Variants in TXNDC8 observed in about 807,000 individuals in gnomAD.
TXNDC8 encodes thioredoxin domain-containing protein 8.
A neutral mutation model predicts 12.9 loss-of-function variants in TXNDC8; 15 were observed. That is an observed-to-expected ratio of 1.16 (90% confidence interval 0.78 to 1.79). The LOEUF (loss-of-function observed/expected upper bound fraction) is 1.79, where lower values mean the gene tolerates loss of function less well. Ranked by LOEUF, TXNDC8 falls within the 40% of genes most tolerant of loss-of-function variation. The probability of loss-of-function intolerance (pLI) is 0.00; values close to 1 mark genes in which losing one functional copy is unlikely to be tolerated. For synonymous variants in TXNDC8, 40 were observed against 35.4 expected (o/e 1.13, Z -0.46); for missense variants, 128 against 113.2 (o/e 1.13, Z -0.59).
chr9:110,322,468 T>A, intron 3 of TXNDC8: 1 of 985,396 alleles, frequency 1.0e-6, no homozygotes, highest in Non-Finnish European at 1.2e-6. Flanking sequence ...CAGTTAGATA[T>A]AATTGTTTAT....
chr9:110,305,178 G>A (rs1838388386), intron 3 of TXNDC8, among the ~76,000 whole-genome samples: 2 of 145,406 alleles, frequency 1.4e-5, no homozygotes, highest in Admixed American at 1.4e-4. Context: ...AAAGGAATAT[G>A]GTGCACTGAT....
intron 3 of TXNDC8, chr9:110,324,138 G>T (rs563063176): frequency 8.6e-6 from 10 of 1,160,754 alleles, no homozygotes; most frequent in Non-Finnish European, 1.2e-5. Context: ...GTAACTGATG[G>T]ATAGAGGCCT....
chr9:110,326,295 C>G (rs1839315488), intron 2 of TXNDC8, 55 bp from the exon 4 acceptor site: 15 of 1,583,902 alleles, frequency 9.5e-6, no homozygotes, highest in African/African-American at 1.3e-5. Flanking sequence ...TCTCTCTGTA[C>G]CAAGCATGTT....
chr9:110,312,663 C>A (rs1838733094), intron 3 of TXNDC8, among the ~76,000 whole-genome samples: 1 of 152,114 alleles, frequency 6.6e-6, no homozygotes, highest in Admixed American at 6.5e-5. Flanking sequence ...AATTTAAAAG[C>A]CTATGTAAAA....
intron 1 of TXNDC8, 37 bp from the exon 2 acceptor site, chr9:110,334,357 C>A: frequency 6.6e-7 from 1 of 1,518,114 alleles, no homozygotes; most frequent in South Asian, 1.1e-5. Flanking sequence ...TGTGCATAAT[C>A]ACTGAATCTC....
At chr9:110,305,273 T>G (rs1315447102) in intron 3 of TXNDC8, among the ~76,000 whole-genome samples, 1 of 151,590 alleles carries the variant, frequency 6.6e-6, no homozygotes, top group Non-Finnish European at 1.5e-5. Context: ...CATCTTCCAC[T>G]CAACATGATG....
At position 110,306,176 on chromosome 9, in the gene TXNDC8, T is replaced by G. The variant is rs532104900; in HGVS notation, c.196-1644A>C. On this transcript the variant is annotated intron_variant, in intron 3 of 4. Transcript: ENST00000423740. ...GCCACCATGCCTGGCCTGCATATATTTTCAATTTATACTCTACCAGCAGAG... is the reference window on the plus strand; with the variant it reads ...GCCACCATGCCTGGCCTGCATATATGTTCAATTTATACTCTACCAGCAGAG... Among the ~76,000 whole-genome samples, 3 of 152,308 alleles carry G rather than the reference T, an allele frequency of 2.0e-5. No homozygotes were observed. The East Asian group carries it at 5.8e-4, about 29-fold the overall frequency.
chr9:110,307,104 C>CTT (rs60578345), intron 3 of TXNDC8, among the ~76,000 whole-genome samples: 8 of 142,782 alleles, frequency 5.6e-5, no homozygotes, highest in African/African-American at 1.3e-4. Context: ...AATACACTGG[C>CTT]TTTTTTTTTT....
intron 3 of TXNDC8, among the ~76,000 whole-genome samples, chr9:110,311,765 CTA>C (rs1285329614): frequency 1.7e-5 from 2 of 119,656 alleles, no homozygotes; most frequent in African/African-American, 2.8e-5. Flanking sequence ...ATACTATGTA[CTA>C]TATATATACT....
intron 2 of TXNDC8, 102 bp from the exon 4 acceptor site, chr9:110,326,342 A>C: frequency 2.6e-6 from 3 of 1,141,360 alleles, no homozygotes; most frequent in Non-Finnish European, 3.9e-6. Flanking sequence ...CTGAAATTCC[A>C]AGGACACCTG....
chr9:110,303,794 T>C, intron 4 of TXNDC8: 1 of 1,219,862 alleles, frequency 8.2e-7, no homozygotes, highest in Non-Finnish European at 1.1e-6. Flanking sequence ...TGCTAAAAAC[T>C]TTGCCAGATC....
chr9:110,304,084 T>C (rs1587944270), intron 4 of TXNDC8, among the ~76,000 whole-genome samples: 1 of 152,252 alleles, frequency 6.6e-6, no homozygotes, highest in African/African-American at 2.4e-5. Flanking sequence ...TAGTGGATGG[T>C]ATGTTATATT....
chr9:110,304,965 T>C lies in TXNDC8; in HGVS notation c.196-433A>G, dbSNP rs112732301. ...GAGTTTGAAACCAGTCTGGCCAACA[T>C]GGCAAAACCCCATCTCTACCAAAAA... On this transcript the variant is annotated intron_variant, in intron 3 of 4. Transcript: ENST00000423740. Among the ~76,000 whole-genome samples, 610 of 151,960 alleles carry C rather than the reference T, an allele frequency of 4.0e-3. 7 individuals carry two copies. The highest frequency in any genetic ancestry group is 0.014 in the African/African-American group (579 of 41,428).
chr9:110,320,905 T>C (rs1839067110), intron 3 of TXNDC8, among the ~76,000 whole-genome samples: 2 of 152,180 alleles, frequency 1.3e-5, no homozygotes. Context: ...CAAGCTCCCC[T>C]TATTTATTAC....
At chr9:110,302,445 G>T (rs1442378623), downstream of TXNDC8, among the ~76,000 whole-genome samples, 1 of 152,100 alleles carries the variant, frequency 6.6e-6, no homozygotes, top group African/African-American at 2.4e-5. Flanking sequence ...CTACTCCAAA[G>T]AATTCTAAAA....
Position 110,323,320 on chromosome 9 carries a change from G to C in TXNDC8, c.195+2855C>G, listed in dbSNP as rs57179342. On this transcript the variant is annotated intron_variant, in intron 3 of 4. Transcript: ENST00000423740. Reference sequence around the variant, plus strand: ...TTTGACTATAACAGGAGACAAGCCAGAGGAGAGCATAGGGAGGGATGAGAG... The same window carrying C: ...TTTGACTATAACAGGAGACAAGCCACAGGAGAGCATAGGGAGGGATGAGAG... 1.1e-3 allele frequency: 1,079 copies of C among 985,520 alleles called. 10 individuals carry two copies. The African/African-American group carries it at 0.017, about 16-fold the overall frequency. The allele number at this position is 985,520 out of a possible 1,614,324, so 61.0% of individuals were successfully genotyped here.
intron 2 of TXNDC8, among the ~76,000 whole-genome samples, chr9:110,326,811 G>A (rs1265368714): frequency 6.6e-6 from 1 of 152,050 alleles, no homozygotes; most frequent in African/African-American, 2.4e-5. Flanking sequence ...ACTTTCAAAG[G>A]TTAGTTTTTG....
chr9:110,334,333 A>G lies in TXNDC8; in HGVS notation c.25-13T>C, dbSNP rs1392357075. The G allele has an allele frequency of 4.4e-6, 7 of 1,596,430 alleles. No individual in the cohort carries two copies. The highest frequency in any genetic ancestry group is 1.1e-5 in the South Asian group (1 of 90,528). On this transcript the variant is annotated splice_polypyrimidine_tract_variant and intron_variant, in intron 1 of 4. Coordinates refer to ENST00000423740, the MANE Select transcript of TXNDC8 (RefSeq NM_001286946.2). ...TTTTAAATTCATTCTGAAAACAGAA[A>G]ATAAATGAGGAAATGTGCATAATCA...
intron 1 of TXNDC8, 103 bp downstream of exon 1, chr9:110,337,670 A>G (rs1839810813): frequency 9.2e-7 from 1 of 1,083,638 alleles, no homozygotes; most frequent in Non-Finnish European, 1.4e-6. Flanking sequence ...CTACAATGCA[A>G]TGATAGAATA....
Sources: allele counts gnomAD v4.1 joint callset (sites outside exome capture counted in the v4.1 genomes callset), GRCh38; gene constraint gnomAD v4.1.1; transcripts MANE v1.5; gene names NCBI Gene and HGNC (gene_info 2026-07-23, HGNC 2026-07-21).